SGK3: variants seen among roughly 807,000 people sequenced by gnomAD.
The protein encoded by SGK3 is serine/threonine-protein kinase Sgk3.
A neutral mutation model predicts 68.5 loss-of-function variants in SGK3; 47 were observed. The observed-to-expected ratio is 0.69, with a 90% CI of 0.54 to 0.87. SGK3 has a LOEUF of 0.87. SGK3 is among the 40% of genes least tolerant of loss of function. SGK3 has a pLI of 0.00. For missense variants in SGK3, 479 were observed against 575.5 expected, an observed-to-expected ratio of 0.83 and a Z score of 1.72; for synonymous variants, 181 against 189.1, an observed-to-expected ratio of 0.96 and a Z score of 0.35.
intron 1 of SGK3, among the ~76,000 whole-genome samples, chr8:66,717,055 A>G (rs112638660): frequency 0.01 from 1,581 of 151,760 alleles, 20 homozygotes; most frequent in African/African-American, 0.037. Context: ...AAATACATAA[A>G]TTAGCTGGGC....
intron 1 of SGK3, among the ~76,000 whole-genome samples, chr8:66,768,506 A>G (rs2130482019): frequency 6.6e-6 from 1 of 151,700 alleles, no homozygotes; most frequent in East Asian, 1.9e-4. Flanking sequence ...AAATAATTTT[A>G]GGTTGACAGA....
chr8:66,807,348 A>G (rs946258783), intron 4 of SGK3, among the ~76,000 whole-genome samples: 2 of 152,314 alleles, frequency 1.3e-5, no homozygotes, highest in South Asian at 2.1e-4. Flanking sequence ...AATCCTTAAG[A>G]CAATCATTTC....
At chr8:66,836,170 CAGT>C in intron 10 of SGK3, 96 bp downstream of exon 10, 1 of 1,456,178 alleles carries the variant, frequency 6.9e-7, no homozygotes, top group Non-Finnish European at 9.2e-7. Flanking sequence ...AGTATAAAAT[CAGT>C]AGCTTTTTAT....
chr8:66,761,782 TAATA>T (rs1806171273), intron 1 of SGK3, among the ~76,000 whole-genome samples: 1 of 151,832 alleles, frequency 6.6e-6, no homozygotes, highest in Non-Finnish European at 1.5e-5. Context: ...AAAAAATAAA[TAATA>T]AATGTTTTAA....
chr8:66,843,159 T>C (rs970829619), intron 13 of SGK3, among the ~76,000 whole-genome samples: 1 of 152,176 alleles, frequency 6.6e-6, no homozygotes, highest in African/African-American at 2.4e-5. Context: ...TCCCCACAAA[T>C]ACCTACATCA....
chr8:66,849,066 C>T (rs1810156523), intron 15 of SGK3, among the ~76,000 whole-genome samples: 1 of 152,200 alleles, frequency 6.6e-6, no homozygotes, highest in African/African-American at 2.4e-5. Context: ...CCTTTTCAAA[C>T]TTCAAGTGTT....
At chr8:66,849,036 C>T (rs1260339275) in intron 15 of SGK3, among the ~76,000 whole-genome samples, 1 of 152,196 alleles carries the variant, frequency 6.6e-6, no homozygotes, top group Non-Finnish European at 1.5e-5. Context: ...GACCGTTCTC[C>T]ATTATTTCCT....
chr8:66,847,994 G>C (rs886211935), intron 15 of SGK3, among the ~76,000 whole-genome samples: 2 of 151,496 alleles, frequency 1.3e-5, no homozygotes, highest in Non-Finnish European at 2.9e-5. Context: ...TAGTGTGTCA[G>C]TAAATGCACA....
intron 1 of SGK3, among the ~76,000 whole-genome samples, chr8:66,778,779 G>C (rs1470460132): frequency 6.6e-6 from 1 of 152,210 alleles, no homozygotes; most frequent in African/African-American, 2.4e-5. Flanking sequence ...ATAGAGGGGA[G>C]TGGGTGTAGG....
At chr8:66,845,334 G>A (rs1809962670) in intron 14 of SGK3, among the ~76,000 whole-genome samples, 1 of 152,180 alleles carries the variant, frequency 6.6e-6, no homozygotes, top group African/African-American at 2.4e-5. Flanking sequence ...GGGAGGCGGA[G>A]GTTACAGTGA....
intron 1 of SGK3, chr8:66,775,078 T>C (rs1296916982): frequency 2.0e-5 from 3 of 152,330 alleles, no homozygotes; most frequent in Non-Finnish European, 4.4e-5. Context: ...CACCGGCAGC[T>C]CCTTCGGGGG....
At chr8:66,725,963 TATCA>T (rs1804973564) in intron 1 of SGK3, among the ~76,000 whole-genome samples, 2 of 152,148 alleles carry the variant, frequency 1.3e-5, no homozygotes, top group South Asian at 4.1e-4. Context: ...TCTTGTATCT[TATCA>T]TCATGGTTAT....
chr8:66,838,726 G>A (rs113169239), intron 10 of SGK3, among the ~76,000 whole-genome samples: 2,906 of 152,208 alleles, frequency 0.019, 67 homozygotes, highest in South Asian at 0.045. Context: ...GAATGCCAGG[G>A]TGGGTGGAGG....
chr8:66,787,996 C>T (rs778905532), intron 1 of SGK3, among the ~76,000 whole-genome samples: 6 of 152,168 alleles, frequency 3.9e-5, no homozygotes, highest in Non-Finnish European at 7.3e-5. Flanking sequence ...TCTTTCAGGC[C>T]ATCCCTGAGT....
At chr8:66,784,466 C>T (rs373757411) in intron 1 of SGK3, among the ~76,000 whole-genome samples, 2 of 152,264 alleles carry the variant, frequency 1.3e-5, no homozygotes, top group African/African-American at 4.8e-5. Context: ...TATCTACCTT[C>T]TAATCTGAGT....
chr8:66,844,521 T>G (rs1290555835), intron 14 of SGK3, among the ~76,000 whole-genome samples: 4 of 152,214 alleles, frequency 2.6e-5, no homozygotes, highest in Admixed American at 6.5e-5. Context: ...GTGTAGGCAT[T>G]TTAGTTAGCT....
Position 66,840,104 on chromosome 8 carries a change from A to G in SGK3, c.843A>G (p.Lys281=). The change falls in exon 11 of 17, where the codon AAA becomes AAG. Residue 281 remains lysine (K), a synonymous_variant. Transcript: ENST00000521198. ...ASALGYLHSI[K]IVYRDLKPEN... Reference sequence around the variant, plus strand: ...CATTGGGTTACTTACATTCCATCAAAATAGTATACAGGTACAATTTTAAAA... The same window carrying G: ...CATTGGGTTACTTACATTCCATCAAGATAGTATACAGGTACAATTTTAAAA... The G allele has an allele frequency of 6.2e-7, 1 of 1,613,918 alleles. No individual in the cohort carries two copies. Among genetic ancestry groups the G allele is most frequent in the Non-Finnish European group, 8.5e-7 (1 of 1,179,922 alleles).
At chr8:66,745,003 T>C (rs1805612289) in intron 1 of SGK3, among the ~76,000 whole-genome samples, 1 of 152,106 alleles carries the variant, frequency 6.6e-6, no homozygotes, top group Non-Finnish European at 1.5e-5. Flanking sequence ...GAAGTCTTTC[T>C]TGTTCTCTGT....
intron 1 of SGK3, among the ~76,000 whole-genome samples, chr8:66,731,135 A>C (rs1002512850): frequency 1.2e-4 from 19 of 152,174 alleles, no homozygotes; most frequent in Non-Finnish European, 1.3e-4. Flanking sequence ...CAGAGAACAC[A>C]CTTTGTATGA....
Sources: gnomAD v4.1 joint callset for allele counts (sites outside exome capture counted in the v4.1 genomes callset) on GRCh38, gnomAD v4.1.1 for gene constraint, MANE v1.5 for transcripts, NCBI Gene and HGNC (gene_info 2026-07-23, HGNC 2026-07-21) for gene names.